The following PRKD1 variants were observed in gnomAD, a reference collection of about 807,000 sequenced individuals.
PRKD1 encodes the protein protein kinase D1.
PRKD1 carries 63 observed loss-of-function variants against 95.9 expected under a neutral mutation model. The ratio of observed to expected loss-of-function variants is 0.66; its 90% CI spans 0.54 to 0.81. The LOEUF (loss-of-function observed/expected upper bound fraction) is 0.81. Among genes scored for constraint, PRKD1 ranks in the 30% least tolerant of loss-of-function variants. The pLI is 0.00. For synonymous variants in PRKD1, 425 were observed against 423.1 expected (o/e 1.00, Z -0.05); for missense variants, 1,048 against 1,165.3 (o/e 0.90, Z 1.47).
intron 1 of PRKD1, among the ~76,000 whole-genome samples, chr14:29,745,756 G>A (rs1274837922): frequency 6.6e-6 from 1 of 152,108 alleles, no homozygotes; most frequent in African/African-American, 2.4e-5. Context: ...GATTACAGGT[G>A]TGAGCCACCT....
chr14:29,881,941 C>T (rs1893529130), intron 1 of PRKD1, among the ~76,000 whole-genome samples: 1 of 152,166 alleles, frequency 6.6e-6, no homozygotes, highest in Non-Finnish European at 1.5e-5. Context: ...TGGAGCACGT[C>T]TTACTTATCC....
At chr14:29,666,887 T>C (rs1882549400) in intron 2 of PRKD1, among the ~76,000 whole-genome samples, 1 of 152,172 alleles carries the variant, frequency 6.6e-6, no homozygotes, top group South Asian at 2.1e-4. Context: ...ACCATATTCA[T>C]GTTGTAGGGA....
intron 2 of PRKD1, among the ~76,000 whole-genome samples, chr14:29,698,954 G>A (rs1445491199): frequency 6.6e-6 from 1 of 151,938 alleles, no homozygotes; most frequent in African/African-American, 2.4e-5. Context: ...GACAAGGTGC[G>A]ATCCACCGAA....
At chr14:29,732,906 T>C (rs2139413714) in intron 1 of PRKD1, among the ~76,000 whole-genome samples, 1 of 147,052 alleles carries the variant, frequency 6.8e-6, no homozygotes, top group South Asian at 2.2e-4. Flanking sequence ...GTGATGTGCC[T>C]TGAAGTGTTT....
At chr14:29,667,682 T>C (rs930068850) in intron 2 of PRKD1, among the ~76,000 whole-genome samples, 8 of 152,194 alleles carry the variant, frequency 5.3e-5, no homozygotes, top group Non-Finnish European at 1.5e-5. Context: ...GAGAAAACTT[T>C]ATGTCAATTC....
intron 4 of PRKD1, among the ~76,000 whole-genome samples, chr14:29,654,859 GA>G (rs1037733947): frequency 2.6e-5 from 4 of 152,160 alleles, no homozygotes; most frequent in Non-Finnish European, 5.9e-5. Context: ...AATTCTGGTC[GA>G]ATTTCATGCA....
chr14:29,588,148 C>T (rs1893001570), intron 16 of PRKD1, among the ~76,000 whole-genome samples: 1 of 152,112 alleles, frequency 6.6e-6, no homozygotes, highest in Non-Finnish European at 1.5e-5. Flanking sequence ...TCTTTTGTTT[C>T]GCGTACCATT....
chr14:29,616,676 A>G (rs150186020), intron 13 of PRKD1, among the ~76,000 whole-genome samples: 1 of 152,316 alleles, frequency 6.6e-6, no homozygotes, highest in African/African-American at 2.4e-5. Flanking sequence ...CACGGGTCTT[A>G]CTGGACTAAA....
chr14:29,862,942 C>T (rs1377957928), intron 1 of PRKD1, among the ~76,000 whole-genome samples: 4 of 152,228 alleles, frequency 2.6e-5, no homozygotes, highest in Non-Finnish European at 4.4e-5. Flanking sequence ...TTGCCCAGAC[C>T]GATGTCCTGG....
intron 4 of PRKD1, chr14:29,656,490 T>A: frequency 6.5e-7 from 1 of 1,535,732 alleles, no homozygotes; most frequent in Non-Finnish European, 8.7e-7. Context: ...AAGCCAGGAC[T>A]CACAGGAGAC....
intron 1 of PRKD1, among the ~76,000 whole-genome samples, chr14:29,923,810 GAAAAAA>G (rs768450153): frequency 1.3e-4 from 13 of 100,004 alleles, no homozygotes; most frequent in African/African-American, 4.7e-4. Context: ...CTCATTTGAG[GAAAAAA>G]AAAAAAAAAA....
chr14:29,833,529 C>A lies in PRKD1; in HGVS notation c.264+93720G>T, dbSNP rs1044803325. Among the ~76,000 whole-genome samples, 20 of 152,012 alleles carry A rather than the reference C, an allele frequency of 1.3e-4. 1 individual carries two copies. Among genetic ancestry groups the A allele is most frequent in the Admixed American group, 7.2e-4 (11 of 15,246 alleles). On this transcript the variant is annotated intron_variant, in intron 1 of 17. Coordinates refer to ENST00000331968, the MANE Select transcript of PRKD1 (RefSeq NM_002742.3). ...TATATTATATCTGCTGAAATAAAAACCATTACTAACAAATCAAAGGCAGTG... is the reference window on the plus strand; with the variant it reads ...TATATTATATCTGCTGAAATAAAAAACATTACTAACAAATCAAAGGCAGTG...
intron 11 of PRKD1, among the ~76,000 whole-genome samples, chr14:29,628,512 G>A (rs1283398184): frequency 1.3e-5 from 2 of 152,230 alleles, no homozygotes; most frequent in Admixed American, 6.5e-5. Context: ...ATGGAGTTAC[G>A]TGGCGCAGAT....
intron 1 of PRKD1, among the ~76,000 whole-genome samples, chr14:29,794,807 C>G (rs991117868): frequency 2.0e-5 from 3 of 151,944 alleles, no homozygotes; most frequent in Non-Finnish European, 2.9e-5. Flanking sequence ...AAAATAGAAG[C>G]CAAAAGATAG....
intron 16 of PRKD1, among the ~76,000 whole-genome samples, chr14:29,585,650 A>C (rs1892897221): frequency 1.3e-5 from 2 of 152,178 alleles, no homozygotes; most frequent in Non-Finnish European, 2.9e-5. Context: ...ATTTTGGCTA[A>C]AAATATTTCT....
chr14:29,698,584 G>A (rs750401829), intron 2 of PRKD1, among the ~76,000 whole-genome samples: 7 of 151,776 alleles, frequency 4.6e-5, no homozygotes, highest in Non-Finnish European at 8.8e-5. Context: ...TAAAACTCTC[G>A]AAATTGGGAA....
At chr14:29,684,143 G>GTTTT (rs11285857) in intron 2 of PRKD1, among the ~76,000 whole-genome samples, 2 of 135,792 alleles carry the variant, frequency 1.5e-5, no homozygotes, top group Non-Finnish European at 1.6e-5. Flanking sequence ...CTTTAGAATG[G>GTTTT]TTTTTTTTTT....
chr14:29,728,709 C>T (rs1250024242), intron 1 of PRKD1, among the ~76,000 whole-genome samples: 1 of 152,012 alleles, frequency 6.6e-6, no homozygotes. Flanking sequence ...TTCCAGTTTG[C>T]AGCTATTACA....
At chr14:29,709,606 C>T (rs889542907) in intron 2 of PRKD1, among the ~76,000 whole-genome samples, 2 of 151,986 alleles carry the variant, frequency 1.3e-5, no homozygotes, top group African/African-American at 4.8e-5. Context: ...CTGAGAAACC[C>T]CAAGATCTGC....
Sources: allele counts gnomAD v4.1 joint callset (sites outside exome capture counted in the v4.1 genomes callset), GRCh38; gene constraint gnomAD v4.1.1; transcripts MANE v1.5; gene names NCBI Gene and HGNC (gene_info 2026-07-23, HGNC 2026-07-21).